Variants in MITF observed in about 807,000 individuals in gnomAD.
MITF encodes melanocyte inducing transcription factor, also known as microphthalmia-associated transcription factor.
A neutral mutation model predicts 60.5 loss-of-function variants in MITF; 17 were observed. The observed-to-expected ratio is 0.28, with a 90% confidence interval of 0.19 to 0.42. The LOEUF is 0.42. Ranked by LOEUF, MITF falls within the 10% of genes least tolerant of loss-of-function variation. The probability of loss-of-function intolerance (pLI) is 1.00; values close to 1 mark genes in which losing one functional copy is unlikely to be tolerated. For synonymous variants in MITF, 260 were observed against 248.5 expected (o/e 1.05, Z -0.43); for missense variants, 622 against 683.5 (o/e 0.91, Z 1.00).
chr3:69,950,627 G>GTGTATATATA (rs1460249905), intron 6 of MITF, among the ~76,000 whole-genome samples: 4 of 138,044 alleles, frequency 2.9e-5, no homozygotes, highest in African/African-American at 1.1e-4. Context: ...TATATGGTGT[G>GTGTATATATA]TATATATATA....
intron 1 of MITF, among the ~76,000 whole-genome samples, chr3:69,811,247 T>C (rs750972104): frequency 2.0e-5 from 3 of 152,210 alleles, no homozygotes; most frequent in African/African-American, 7.2e-5. Flanking sequence ...TTTACGAGTA[T>C]TTACATGTTA....
intron 2 of MITF, among the ~76,000 whole-genome samples, chr3:69,926,149 C>T (rs1404427057): frequency 2.0e-5 from 3 of 152,152 alleles, no homozygotes; most frequent in African/African-American, 7.2e-5. Context: ...AAAGCACTGC[C>T]GAGCTGCTGC....
chr3:69,832,716 T>C (rs2063470133), intron 1 of MITF, among the ~76,000 whole-genome samples: 1 of 152,232 alleles, frequency 6.6e-6, no homozygotes, highest in South Asian at 2.1e-4. Flanking sequence ...ACACCATATA[T>C]AGTTGTTTTC....
chr3:69,938,056 C>A lies in MITF; in HGVS notation c.582+7C>A. 1 of 1,610,374 alleles carries A rather than the reference C, an allele frequency of 6.2e-7. No individual in the cohort carries two copies. Among genetic ancestry groups the A allele is most frequent in the Non-Finnish European group, 8.5e-7 (1 of 1,176,678 alleles). ...CTCCAACTGTGAAAAAGAGGTAATT[C>A]ATGTCTCCTCTCCTCTCCTGTTTTC... On this transcript the variant is annotated splice_region_variant and intron_variant, in intron 3 of 9. Coordinates refer to ENST00000352241, the MANE Select transcript of MITF (RefSeq NM_001354604.2).
intron 1 of MITF, among the ~76,000 whole-genome samples, chr3:69,774,630 G>C (rs2062445893): frequency 6.6e-6 from 1 of 152,138 alleles, no homozygotes; most frequent in South Asian, 2.1e-4. Context: ...TAAGTTTCCA[G>C]GTCAAAGATT....
rs1357747288 is a variant in MITF at position 69,739,530 on chromosome 3, G to C, written c.-68G>C. ...GCACGGCTCGGGGGACCCAGGCCCA[G>C]CTACCTTCCCTCCGCCCCCGGGCTC... On this transcript the variant is annotated 5_prime_UTR_variant, in exon 1 of 10. Coordinates refer to ENST00000352241, the MANE Select transcript of MITF (RefSeq NM_001354604.2). 3.5e-6 allele frequency: 5 copies of C among 1,424,816 alleles called. No individual in the cohort carries two copies. Among genetic ancestry groups the C allele is most frequent in the Non-Finnish European group, 4.8e-6 (5 of 1,032,256 alleles). 88.3% of individuals were successfully genotyped at this position (1,424,816 alleles called of 1,614,324 possible). A position where few individuals can be genotyped will look rare whatever the true frequency, so the allele number is the denominator to read the frequency against.
chr3:69,741,472 A>G (rs961681736), intron 1 of MITF, among the ~76,000 whole-genome samples: 1 of 152,186 alleles, frequency 6.6e-6, no homozygotes, highest in South Asian at 2.1e-4. Context: ...GAAAAACCCA[A>G]ATGAGTGCCG....
At chr3:69,887,342 A>T (rs1335668493) in intron 2 of MITF, among the ~76,000 whole-genome samples, 1 of 152,102 alleles carries the variant, frequency 6.6e-6, no homozygotes, top group African/African-American at 2.4e-5. Context: ...ACTTTGCTCT[A>T]CTAAAATCGG....
rs542141862 is a variant in MITF, at chr3:69,755,433, G to GT, written c.104+15770dup. 3.0e-3 allele frequency among the ~76,000 whole-genome samples: 105 copies of GT among 35,422 alleles called. 13 individuals are homozygous for GT. Among genetic ancestry groups the GT allele is most frequent in the African/African-American group, 5.4e-3 (39 of 7,254 alleles). 23.2% of individuals were successfully genotyped at this position (35,422 alleles called of 152,430 possible). ...ATCTTTGTATCTTTTACCCTTCTGG[G>GT]TTTTTTTTTTTTTTTTTTTTTTTTT... On this transcript the variant is annotated intron_variant, in intron 1 of 9. Transcript: ENST00000352241.
chr3:69,759,602 T>A (rs2062180882), intron 1 of MITF, among the ~76,000 whole-genome samples: 1 of 152,254 alleles, frequency 6.6e-6, no homozygotes, highest in African/African-American at 2.4e-5. Context: ...GGAGAATCCA[T>A]GAATAATGAG....
intron 1 of MITF, among the ~76,000 whole-genome samples, chr3:69,803,066 C>T (rs76217345): frequency 0.022 from 3,363 of 152,132 alleles, 120 homozygotes; most frequent in African/African-American, 0.076. Context: ...GGTGAGCCAC[C>T]GCTCCCAGCC....
intron 1 of MITF, among the ~76,000 whole-genome samples, chr3:69,857,562 C>T (rs912239772): frequency 8.0e-5 from 12 of 150,800 alleles, no homozygotes; most frequent in African/African-American, 2.4e-4. Context: ...TTTCCCAACA[C>T]GCTAATAAAT....
At position 69,904,941 on chromosome 3, in the gene MITF, T is replaced by G. The variant is rs914320090; in HGVS notation, c.354+25558T>G. On this transcript the variant is annotated intron_variant, in intron 2 of 9. Transcript: ENST00000352241. ...CAACCCATTCACAGTACAGTTTCAA[T>G]AATAGCTATTTCTTATTATTTTTAA... 6.6e-5 allele frequency among the ~76,000 whole-genome samples: 10 copies of G among 152,200 alleles called. 1 individual carries two copies. Among genetic ancestry groups the G allele is most frequent in the Admixed American group, 3.3e-4 (5 of 15,282 alleles).
chr3:69,910,973 A>G (rs554991688), intron 2 of MITF, among the ~76,000 whole-genome samples: 2 of 152,044 alleles, frequency 1.3e-5, no homozygotes, highest in African/African-American at 4.8e-5. Context: ...GTGGAATGAT[A>G]TGGTTTGGCT....
chr3:69,762,659 G>T lies in MITF; in HGVS notation c.104+22958G>T, dbSNP rs1352650632. ...TTACCTATGGAGCTGATTTTATGAA[G>T]AGTTTTGGTCAGCATTAGTCATTGT... On this transcript the variant is annotated intron_variant, in intron 1 of 9. Coordinates refer to ENST00000352241, the MANE Select transcript of MITF (RefSeq NM_001354604.2). 9 of 217,658 alleles carry T rather than the reference G, an allele frequency of 4.1e-5. No homozygotes were observed. In the East Asian group the frequency reaches 6.1e-4, roughly 15 times the overall value. 13.5% of individuals were successfully genotyped at this position (217,658 alleles called of 1,614,324 possible).
chr3:69,870,330 A>G (rs1375211602), intron 1 of MITF, among the ~76,000 whole-genome samples: 1 of 149,728 alleles, frequency 6.7e-6, no homozygotes, highest in African/African-American at 2.4e-5. Flanking sequence ...GTATATATAC[A>G]CACATACATG....
At chr3:69,753,080 G>T (rs910872768) in intron 1 of MITF, among the ~76,000 whole-genome samples, 1 of 152,224 alleles carries the variant, frequency 6.6e-6, no homozygotes, top group African/African-American at 2.4e-5. Context: ...GAAGCCTAGG[G>T]GGACTGAGTC....
chr3:69,870,931 G>A (rs2064223515), intron 1 of MITF, among the ~76,000 whole-genome samples: 1 of 152,096 alleles, frequency 6.6e-6, no homozygotes, highest in African/African-American at 2.4e-5. Context: ...CAGTATTACT[G>A]ATATTTTTTA....
intron 2 of MITF, among the ~76,000 whole-genome samples, chr3:69,915,022 C>A (rs969228890): frequency 6.6e-6 from 1 of 152,116 alleles, no homozygotes; most frequent in Admixed American, 6.6e-5. Context: ...TTAGTAGGTT[C>A]TTCATAGGTT....
Sources: gnomAD v4.1 joint callset for allele counts (sites outside exome capture counted in the v4.1 genomes callset) on GRCh38, gnomAD v4.1.1 for gene constraint, MANE v1.5 for transcripts, NCBI Gene and HGNC (gene_info 2026-07-23, HGNC 2026-07-21) for gene names.